RALGPS1: variants seen among roughly 807,000 people sequenced by gnomAD.
RALGPS1 encodes Ral GEF with PH domain and SH3 binding motif 1, also known as ras-specific guanine nucleotide-releasing factor RalGPS1.
RALGPS1 carries 19 observed loss-of-function variants against 78.8 expected under a neutral mutation model. The ratio of observed to expected loss-of-function variants is 0.24; its 90% confidence interval spans 0.17 to 0.35. RALGPS1 has a LOEUF of 0.35. RALGPS1 is among the 10% of genes least tolerant of loss of function. The probability of loss-of-function intolerance (pLI) is 1.00; values close to 1 mark genes in which losing one functional copy is unlikely to be tolerated. For synonymous variants in RALGPS1, 228 were observed against 256.3 expected (o/e 0.89, Z 1.06); for missense variants, 454 against 688.3 (o/e 0.66, Z 3.81).
chr9:126,916,334 G>A lies in RALGPS1; in HGVS notation c.-66+1359G>A, dbSNP rs2034156578. 2.0e-5 allele frequency among the ~76,000 whole-genome samples: 3 copies of A among 152,194 alleles called. No homozygotes were observed. In the South Asian group the frequency reaches 6.2e-4, roughly 31 times the overall value. ...AGGCCTCTGAGGGAGCTGCTGCAACGCAGGGAGCAGTGGCAAGTGGAAGCA... is the reference window on the plus strand; with the variant it reads ...AGGCCTCTGAGGGAGCTGCTGCAACACAGGGAGCAGTGGCAAGTGGAAGCA... On this transcript the variant is annotated intron_variant, in intron 1 of 18. Coordinates refer to ENST00000259351, the MANE Select transcript of RALGPS1 (RefSeq NM_014636.3).
At chr9:126,961,673 G>A (rs546613611) in intron 1 of RALGPS1, among the ~76,000 whole-genome samples, 80 of 152,322 alleles carry the variant, frequency 5.3e-4, no homozygotes, top group African/African-American at 1.9e-3. Context: ...GCACATGCCT[G>A]TAGTCCCAGC....
chr9:127,044,689 C>T (rs541244179), intron 5 of RALGPS1, among the ~76,000 whole-genome samples: 1 of 152,252 alleles, frequency 6.6e-6, no homozygotes, highest in South Asian at 2.1e-4. Flanking sequence ...AGGTAGTGAG[C>T]ATAGTACCCA....
intron 5 of RALGPS1, among the ~76,000 whole-genome samples, chr9:127,040,453 A>G (rs1399051203): frequency 1.3e-5 from 2 of 152,170 alleles, no homozygotes; most frequent in Admixed American, 1.3e-4. Flanking sequence ...GGTCTGCTTA[A>G]GAGGAAAAGG....
chr9:127,098,386 G>A (rs1402037624), intron 8 of RALGPS1, among the ~76,000 whole-genome samples: 1 of 152,172 alleles, frequency 6.6e-6, no homozygotes, highest in Non-Finnish European at 1.5e-5. Context: ...TCAGAGTGGA[G>A]CGAGTGCTGC....
intron 7 of RALGPS1, among the ~76,000 whole-genome samples, chr9:127,065,363 C>T (rs146830925): frequency 2.0e-5 from 3 of 152,232 alleles, no homozygotes; most frequent in Non-Finnish European, 2.9e-5. Context: ...CTGCCCACCT[C>T]AACCTCCCAA....
intron 14 of RALGPS1, among the ~76,000 whole-genome samples, chr9:127,204,012 T>C (rs1244166416): frequency 6.6e-6 from 1 of 152,100 alleles, no homozygotes; most frequent in African/African-American, 2.4e-5. Context: ...CAGCCAGCCA[T>C]GCGGGGGGAC....
intron 1 of RALGPS1, among the ~76,000 whole-genome samples, chr9:126,952,505 A>G (rs2037915971): frequency 1.3e-5 from 2 of 152,150 alleles, no homozygotes; most frequent in Non-Finnish European, 2.9e-5. Flanking sequence ...AGATAACAGC[A>G]TGGCCATCCT....
rs553040088 is a variant in RALGPS1, at chr9:127,148,967, C to G, written c.611-17102C>G. On this transcript the variant is annotated intron_variant, in intron 8 of 18. Transcript: ENST00000259351. Reference sequence around the variant, plus strand: ...TTTCTACTAATGTTATCACCATCACCCTAACCTTTATTGAGCAGTGACCTC... The same window carrying G: ...TTTCTACTAATGTTATCACCATCACGCTAACCTTTATTGAGCAGTGACCTC... 1.8e-4 allele frequency among the ~76,000 whole-genome samples: 27 copies of G among 152,304 alleles called. No individual in the cohort carries two copies. In the South Asian group the frequency reaches 2.3e-3, roughly 13 times the overall value.
chr9:127,036,338 T>C (rs1057455628), intron 5 of RALGPS1, among the ~76,000 whole-genome samples: 1 of 152,240 alleles, frequency 6.6e-6, no homozygotes. Context: ...CGTCCCTTCC[T>C]GGCAGAATTT....
At chr9:127,121,747 C>T (rs1471671771) in intron 8 of RALGPS1, among the ~76,000 whole-genome samples, 2 of 152,196 alleles carry the variant, frequency 1.3e-5, no homozygotes, top group Non-Finnish European at 2.9e-5. Flanking sequence ...GTGATGCGTC[C>T]GTTCCCGTGC....
intron 4 of RALGPS1, among the ~76,000 whole-genome samples, chr9:127,027,354 T>C (rs1441527089): frequency 6.6e-6 from 1 of 152,204 alleles, no homozygotes; most frequent in Non-Finnish European, 1.5e-5. Context: ...GTAGGTGGTT[T>C]TGGGTTTGTC....
At chr9:127,048,244 G>C (rs1487105690) in intron 5 of RALGPS1, among the ~76,000 whole-genome samples, 1 of 151,926 alleles carries the variant, frequency 6.6e-6, no homozygotes, top group Non-Finnish European at 1.5e-5. Flanking sequence ...TGCAACACCA[G>C]TGCTTTCAGC....
chr9:127,085,500 T>C (rs1036826981), intron 8 of RALGPS1, among the ~76,000 whole-genome samples: 1 of 152,192 alleles, frequency 6.6e-6, no homozygotes, highest in Non-Finnish European at 1.5e-5. Flanking sequence ...CATGCTCTTC[T>C]TCCATGCCAC....
In RALGPS1 at chr9:127,195,178, C is replaced by T. The variant is rs866294400; in HGVS notation, c.998C>T (p.Pro333Leu). ...GTTGCTGGCAGCCTCCCCACACCTC[C>T]AGTCCCCAGACACAGGAAGAGCCAC... ...TSVAGSLPTP[P>L]VPRHRKSHSL... Residue 333 changes from proline (P) to leucine (L), a missense_variant, in exon 12 of 19, where the codon CCA becomes CTA. By Grantham distance (98) the Pro-to-Leu change is moderately conservative. Coordinates refer to ENST00000259351, the MANE Select transcript of RALGPS1 (RefSeq NM_014636.3). The T allele has an allele frequency of 6.2e-7, 1 of 1,612,594 alleles. No homozygotes were observed. The highest frequency in any genetic ancestry group is 8.5e-7 in the Non-Finnish European group (1 of 1,180,000).
rs896429924 is a variant in RALGPS1 at position 127,178,019 on chromosome 9, G to A, written c.910+3237G>A. On this transcript the variant is annotated intron_variant, in intron 11 of 18. Coordinates refer to ENST00000259351, the MANE Select transcript of RALGPS1 (RefSeq NM_014636.3). ...TAATGAACAGAACCAATAAAGCATG[G>A]CGAGGCACCCATGGGCCGGCCCAGG... 14 of 1,521,958 alleles carry A rather than the reference G, an allele frequency of 9.2e-6. No individual in the cohort carries two copies. In the African/African-American group the frequency reaches 1.8e-4, roughly 20 times the overall value. 94.3% of individuals were successfully genotyped at this position (1,521,958 alleles called of 1,614,324 possible). A position where few individuals can be genotyped will look rare whatever the true frequency, so the allele number is the denominator to read the frequency against.
chr9:127,009,361 G>T (rs1261754048), intron 4 of RALGPS1, among the ~76,000 whole-genome samples: 1 of 152,116 alleles, frequency 6.6e-6, no homozygotes, highest in Non-Finnish European at 1.5e-5. Context: ...GTACAGAGCA[G>T]TTCAGATTTC....
rs78666057 is a variant in RALGPS1 at position 127,190,770 on chromosome 9, G to C, written c.911-4321G>C. ...TTCTCTAGAGTAAAAACCTCAATTA[G>C]AATCACCAGGTATAAAAGGCAGGGC... On this transcript the variant is annotated intron_variant, in intron 11 of 18. Transcript: ENST00000259351. 5.5e-3 allele frequency among the ~76,000 whole-genome samples: 833 copies of C among 152,230 alleles called. 26 individuals carry two copies. In the East Asian group the frequency reaches 0.088, roughly 16 times the overall value.
At chr9:127,061,933 G>A (rs2049249726) in intron 7 of RALGPS1, among the ~76,000 whole-genome samples, 1 of 152,108 alleles carries the variant, frequency 6.6e-6, no homozygotes, top group African/African-American at 2.4e-5. Context: ...TTGGGTCTTT[G>A]TGGGAATATC....
chr9:127,203,651 G>C (rs1319716868), intron 14 of RALGPS1, among the ~76,000 whole-genome samples: 1 of 152,196 alleles, frequency 6.6e-6, no homozygotes, highest in Non-Finnish European at 1.5e-5. Flanking sequence ...TGCTCTGGGG[G>C]AGGTGAGGGA....
Sources: allele counts gnomAD v4.1 joint callset (sites outside exome capture counted in the v4.1 genomes callset), GRCh38; gene constraint gnomAD v4.1.1; transcripts MANE v1.5; gene names NCBI Gene and HGNC (gene_info 2026-07-23, HGNC 2026-07-21).